Variants in TCF7L1 observed in about 807,000 individuals in gnomAD.
TCF7L1 encodes transcription factor 7-like 1.
Under a neutral mutation model 63.7 loss-of-function variants are expected in TCF7L1, and 18 were observed. The observed-to-expected ratio is 0.28, with a 90% CI of 0.20 to 0.42. TCF7L1 has a LOEUF of 0.42. Ranked by LOEUF, TCF7L1 falls within the 10% of genes least tolerant of loss-of-function variation. The pLI is 1.00. For missense variants in TCF7L1, 654 were observed against 779.3 expected (o/e 0.84, Z 1.91); for synonymous variants, 355 against 340.9 (o/e 1.04, Z -0.46).
At chr2:85,154,813 A>G (rs1574081763) in intron 3 of TCF7L1, among the ~76,000 whole-genome samples, 1 of 149,564 alleles carries the variant, frequency 6.7e-6, no homozygotes, top group Non-Finnish European at 1.5e-5. Context: ...TGAGTGAGGC[A>G]CCCATAGAAC....
At chr2:85,221,096 G>A (rs1679830881) in intron 3 of TCF7L1, among the ~76,000 whole-genome samples, 1 of 152,176 alleles carries the variant, frequency 6.6e-6, no homozygotes, top group Non-Finnish European at 1.5e-5. Flanking sequence ...GCCAAACTGA[G>A]TAAGACGGAA....
intron 3 of TCF7L1, among the ~76,000 whole-genome samples, chr2:85,142,481 A>AATATAT (rs148154309): frequency 9.1e-5 from 13 of 143,312 alleles, no homozygotes; most frequent in Admixed American, 1.4e-4. Context: ...GTATATATAT[A>AATATAT]ATATATATAT....
Position 85,134,192 on chromosome 2 carries a change from T to G in TCF7L1, c.313+113T>G, listed in dbSNP as rs1017541220. On this transcript the variant is annotated intron_variant, in intron 2 of 11. Transcript: ENST00000282111. The surrounding 1 kb of genome is among the most constrained non-coding windows in gnomAD (Gnocchi z 5.0). ...GGTGGACGCACCCTTGCCCTCCGCC[T>G]TTATTGGCGGCAGCCCCCGTGGGGC... 6 of 1,499,552 alleles carry G rather than the reference T, an allele frequency of 4.0e-6. No individual in the cohort carries two copies. Among genetic ancestry groups the G allele is most frequent in the Non-Finnish European group, 5.4e-6 (6 of 1,120,810 alleles). 92.9% of individuals were successfully genotyped at this position (1,499,552 alleles called of 1,614,324 possible). A position where few individuals can be genotyped will look rare whatever the true frequency, so the allele number is the denominator to read the frequency against.
intron 3 of TCF7L1, among the ~76,000 whole-genome samples, chr2:85,242,734 A>T (rs1334798554): frequency 6.6e-6 from 1 of 152,126 alleles, no homozygotes; most frequent in African/African-American, 2.4e-5. Flanking sequence ...TCCACACGGG[A>T]TGTGTTGCTT....
intron 4 of TCF7L1, among the ~76,000 whole-genome samples, chr2:85,297,075 G>A: frequency 6.6e-6 from 1 of 152,174 alleles, no homozygotes; most frequent in Non-Finnish European, 1.5e-5. Context: ...AAAGGCAAAT[G>A]CCAAAGGAAC....
chr2:85,183,444 T>C (rs145687228), intron 3 of TCF7L1, among the ~76,000 whole-genome samples: 71 of 152,318 alleles, frequency 4.7e-4, no homozygotes, highest in African/African-American at 1.6e-3. Flanking sequence ...CAGATCATCA[T>C]TGGACCTGAT....
rs114504655 is a variant in TCF7L1, at chr2:85,212,724, G to A, written c.442-70771G>A. On this transcript the variant is annotated intron_variant, in intron 3 of 11. Coordinates refer to ENST00000282111, the MANE Select transcript of TCF7L1 (RefSeq NM_031283.3). ...TTGTTTCTGTGTGAGTTGCAAATGG[G>A]TTTGGGTCTTGGTGCACGTCAGTAT... 8.3e-3 allele frequency among the ~76,000 whole-genome samples: 1,262 copies of A among 152,240 alleles called. 8 individuals are homozygous for A. Among genetic ancestry groups the A allele is most frequent in the Non-Finnish European group, 0.015 (1,014 of 68,012 alleles).
chr2:85,298,191 C>CACAAAAAAAAAAAAAAA (rs1681876062), intron 4 of TCF7L1, among the ~76,000 whole-genome samples: 1 of 44,742 alleles, frequency 2.2e-5, no homozygotes, highest in African/African-American at 1.4e-4. Flanking sequence ...GACTCCATCT[C>CACAAAAAAAAAAAAAAA]AAAAAAAAAA....
chr2:85,149,873 C>T (rs543822202), intron 3 of TCF7L1, among the ~76,000 whole-genome samples: 1 of 152,256 alleles, frequency 6.6e-6, no homozygotes, highest in South Asian at 2.1e-4. Flanking sequence ...GGCGTAATGT[C>T]CCTTTACTTA....
intron 3 of TCF7L1, chr2:85,204,880 GTTTTGT>G (rs1558633144): frequency 9.2e-6 from 1 of 108,588 alleles, no homozygotes. Flanking sequence ...GTATTACTTA[GTTTTGT>G]TTGTTTTTTT....
chr2:85,233,975 A>T (rs1361798043), intron 3 of TCF7L1: 1 of 152,100 alleles, frequency 6.6e-6, no homozygotes, highest in African/African-American at 2.4e-5. Context: ...GCTGAAGAAC[A>T]TTTGGATTGT....
chr2:85,164,919 G>A (rs181613905), intron 3 of TCF7L1, among the ~76,000 whole-genome samples: 7 of 152,262 alleles, frequency 4.6e-5, no homozygotes, highest in South Asian at 4.2e-4. Flanking sequence ...TATGAGATTC[G>A]CTGCTAGGTC....
In TCF7L1 at chr2:85,309,671, A is replaced by T. The variant is rs1682229810; in HGVS notation, c.*209A>T. The T allele has an allele frequency of 4.2e-6, 2 of 478,804 alleles. No individual in the cohort carries two copies. Among genetic ancestry groups the T allele is most frequent in the South Asian group, 1.1e-4 (2 of 17,590 alleles). 29.7% of individuals were successfully genotyped at this position (478,804 alleles called of 1,614,324 possible). On this transcript the variant is annotated 3_prime_UTR_variant, in exon 12 of 12. Coordinates refer to ENST00000282111, the MANE Select transcript of TCF7L1 (RefSeq NM_031283.3). ...AAAAACAAAACAAAACAACAAAAAA[A>T]AATCTTTATAAGAAAGAGAACTGAA...
At chr2:85,263,588 A>G (rs1412577258) in intron 3 of TCF7L1, among the ~76,000 whole-genome samples, 2 of 152,196 alleles carry the variant, frequency 1.3e-5, no homozygotes, top group East Asian at 1.9e-4. Flanking sequence ...CATCCATCAT[A>G]ATTGTTAAAG....
chr2:85,253,699 G>T (rs1278755515), intron 3 of TCF7L1, among the ~76,000 whole-genome samples: 2 of 152,176 alleles, frequency 1.3e-5, no homozygotes, highest in African/African-American at 4.8e-5. Flanking sequence ...GTCCTTAAAA[G>T]AAATCTTCCT....
At chr2:85,201,059 T>G (rs2104277580) in intron 3 of TCF7L1, among the ~76,000 whole-genome samples, 1 of 152,214 alleles carries the variant, frequency 6.6e-6, no homozygotes, top group East Asian at 1.9e-4. Flanking sequence ...AAAAATTAGC[T>G]GGTGCAGTGG....
rs1300774753 is a variant in TCF7L1 at position 85,134,361 on chromosome 2, C to T, written c.352C>T (p.Pro118Ser). The change falls in exon 3 of 12, where the codon CCG becomes TCG. Residue 118 changes from proline (P) to serine (S), a missense_variant. This residue lies in a region of TCF7L1 where 404 missense variants were observed against 454.8 expected (regional missense o/e 0.89). Coordinates refer to ENST00000282111, the MANE Select transcript of TCF7L1 (RefSeq NM_031283.3). The surrounding 1 kb of genome is among the most constrained non-coding windows in gnomAD (Gnocchi z 5.0). The stretch of plus-strand genomic sequence containing the variant: ...GGACAGCGCGTTCTTTAAAGGACCC[C>T]CGTACCCTGGGTACCCCTTCCTGAT... ...PQDSAFFKGP[P>S]YPGYPFLMIP... is the part of the protein sequence containing the mutation. 2 of 1,583,374 alleles carry T rather than the reference C, an allele frequency of 1.3e-6. No individual in the cohort carries two copies. The highest frequency in any genetic ancestry group is 8.6e-7 in the Non-Finnish European group (1 of 1,164,066).
At chr2:85,201,349 A>ATTTTAATTTTTAT (rs1294998340) in intron 3 of TCF7L1, among the ~76,000 whole-genome samples, 2 of 152,190 alleles carry the variant, frequency 1.3e-5, no homozygotes, top group African/African-American at 2.4e-5. Context: ...TGTGTGCAAA[A>ATTTTAATTTTTAT]GTTTTGATAA....
At chr2:85,266,370 G>A (rs886931412) in intron 3 of TCF7L1, among the ~76,000 whole-genome samples, 1 of 152,198 alleles carries the variant, frequency 6.6e-6, no homozygotes, top group African/African-American at 2.4e-5. Context: ...AAGTGCCTGT[G>A]GTAATTAAAG....
Sources: gnomAD v4.1 joint callset for allele counts (sites outside exome capture counted in the v4.1 genomes callset) on GRCh38, gnomAD v4.1.1 for gene constraint, gnomAD v4.1.1 regional missense constraint, Gnocchi (gnomAD v3.1) non-coding constraint, MANE v1.5 for transcripts, NCBI Gene and HGNC (gene_info 2026-07-23, HGNC 2026-07-21) for gene names.